The following SH3YL1 variants were observed in gnomAD, a reference collection of about 807,000 sequenced individuals.
SH3YL1 encodes the protein SH3 domain-containing YSC84-like protein 1.
In SH3YL1, 41 loss-of-function variants were observed where a neutral mutation model predicts 45.8. The observed-to-expected ratio is 0.89, with a 90% confidence interval of 0.70 to 1.16. SH3YL1 has a LOEUF of 1.16. Ranked by LOEUF, SH3YL1 falls within the 50% of genes most tolerant of loss-of-function variation. The pLI, the probability that SH3YL1 is intolerant of heterozygous loss-of-function variation, is 0.00. For missense variants in SH3YL1, 389 were observed against 409.6 expected (o/e 0.95, Z 0.43); for synonymous variants, 152 against 151.4 (o/e 1.00, Z -0.03).
intron 3 of SH3YL1, among the ~76,000 whole-genome samples, 168 bp downstream of exon 3, chr2:249,563 G>A (rs764056845): frequency 6.6e-6 from 1 of 152,202 alleles, no homozygotes; most frequent in Non-Finnish European, 1.5e-5. Flanking sequence ...TGGTTCCTGT[G>A]GCTTGTTCAC....
chr2:263,353 T>A (rs1249918298), intron 1 of SH3YL1: 1 of 153,776 alleles, frequency 6.5e-6, no homozygotes, highest in Non-Finnish European at 1.4e-5. Flanking sequence ...GTCAACCGAT[T>A]GAGACCAGTT....
At position 250,004 on chromosome 2, in the gene SH3YL1, G is replaced by A. The variant is rs748680210; in HGVS notation, c.113-160C>T. Among the ~76,000 whole-genome samples the A allele has an allele frequency of 1.6e-4, 24 of 152,346 alleles. 1 individual carries two copies. Among genetic ancestry groups the A allele is most frequent in the Middle Eastern group, 6.8e-3 (2 of 294 alleles). On this transcript the variant is annotated intron_variant, in intron 2 of 9. Transcript: ENST00000356150. ...AGTCAGTCACTCAACAGATGGGCAC[G>A]AGGCCTCTCTATTCCCATGAATGTT...
rs535794203 is a variant in SH3YL1, at chr2:234,859, C to T, written c.292-587G>A. Among the ~76,000 whole-genome samples, 8 of 152,272 alleles carry T rather than the reference C, an allele frequency of 5.3e-5. No individual in the cohort carries two copies. In the East Asian group the frequency reaches 1.5e-3, roughly 29 times the overall value. On this transcript the variant is annotated intron_variant, in intron 4 of 9. Coordinates refer to ENST00000356150, the MANE Select transcript of SH3YL1 (RefSeq NM_015677.4). The stretch of plus-strand genomic sequence containing the variant: ...GCAAAGCAGTTTCCATTAGGAATGC[C>T]TATTTCCATGACTTAATTTTTCTTT...
At chr2:222,042 G>A (rs1318562611) in intron 9 of SH3YL1, among the ~76,000 whole-genome samples, 1 of 152,138 alleles carries the variant, frequency 6.6e-6, no homozygotes, top group Admixed American at 6.5e-5. Flanking sequence ...TGGTTACCGG[G>A]AAGCAAACCC....
chr2:256,896 C>T (rs1052045606), intron 1 of SH3YL1, among the ~76,000 whole-genome samples: 3 of 152,066 alleles, frequency 2.0e-5, no homozygotes, highest in African/African-American at 7.2e-5. Context: ...CTTGCAATGT[C>T]CAGTTTTTAA....
intron 1 of SH3YL1, among the ~76,000 whole-genome samples, chr2:257,689 A>G (rs915818153): frequency 5.3e-5 from 8 of 152,158 alleles, no homozygotes. Context: ...GCATCCCTGG[A>G]GTCTCTCTGA....
At chr2:258,825 G>A (rs1172910250) in intron 1 of SH3YL1, among the ~76,000 whole-genome samples, 2 of 152,198 alleles carry the variant, frequency 1.3e-5, no homozygotes, top group Non-Finnish European at 2.9e-5. Context: ...AAAGCTTCAT[G>A]GCAGTTGTTC....
chr2:229,278 C>G, intron 8 of SH3YL1, among the ~76,000 whole-genome samples: 1 of 151,922 alleles, frequency 6.6e-6, no homozygotes, highest in Middle Eastern at 3.2e-3. Flanking sequence ...GAACATATGT[C>G]AAAACTGATA....
Position 234,255 on chromosome 2 carries a change from T to C in SH3YL1, c.309A>G (p.Ile103Met). 6.2e-7 allele frequency: 1 copy of C among 1,613,368 alleles called. No homozygotes were observed. Among genetic ancestry groups the C allele is most frequent in the Non-Finnish European group, 8.5e-7 (1 of 1,179,694 alleles). Residue 103 changes from isoleucine (I) to methionine (M), a missense_variant, in exon 5 of 10, where the codon ATA becomes ATG. Transcript: ENST00000356150. ...EIGIEVSDLV[I>M]ILNYDRAVEA... Reference sequence around the variant, plus strand: ...CTACAGCACGGTCATAATTCAGAATTATCACCAAGTCTGATACCTAAAGTG... The same window carrying C: ...CTACAGCACGGTCATAATTCAGAATCATCACCAAGTCTGATACCTAAAGTG...
In SH3YL1 at chr2:253,092, A is replaced by T; in HGVS notation, c.25T>A (p.Leu9Met). 1 of 1,544,420 alleles carries T rather than the reference A, an allele frequency of 6.5e-7. No individual in the cohort carries two copies. Among genetic ancestry groups the T allele is most frequent in the Non-Finnish European group, 8.8e-7 (1 of 1,140,612 alleles). ...GCAGCCTTTTTTGCTTCTGATTTCA[A>T]ATTGGAAGGTATAGGGTTATTCACT... MNNPIPSN[L>M]KSEAKKAAKI... Residue 9 changes from leucine (L) to methionine (M), a missense_variant, in exon 2 of 10, where the codon TTG becomes ATG. Leu to Met is a conservative substitution (Grantham distance 15, BLOSUM62 2). Coordinates refer to ENST00000356150, the MANE Select transcript of SH3YL1 (RefSeq NM_015677.4).
upstream of SH3YL1, chr2:264,092 G>A (rs1376279187): frequency 9.0e-6 from 12 of 1,334,472 alleles, no homozygotes; most frequent in African/African-American, 4.6e-5. Flanking sequence ...ACCTGCGGCA[G>A]GTGACGAAGG....
At chr2:264,117 A>C (rs2103066347), upstream of SH3YL1, 1 of 1,253,732 alleles carries the variant, frequency 8.0e-7, no homozygotes, top group Non-Finnish European at 1.0e-6. Context: ...GGCGCAAAAC[A>C]CCCGCCGTGT....
At chr2:238,181 C>G (rs1293118363) in intron 4 of SH3YL1, among the ~76,000 whole-genome samples, 1 of 152,142 alleles carries the variant, frequency 6.6e-6, no homozygotes, top group Non-Finnish European at 1.5e-5. Context: ...TCTCACGCCA[C>G]TCTTGGGCTG....
At position 249,826 on chromosome 2, in the gene SH3YL1, G is replaced by T; in HGVS notation, c.131C>A (p.Ala44Asp). The T allele has an allele frequency of 6.4e-7, 1 of 1,551,980 alleles. No homozygotes were observed. The highest frequency in any genetic ancestry group is 1.2e-5 in the South Asian group (1 of 84,060). The change falls in exon 3 of 10, where the codon GCT becomes GAT. Residue 44 changes from alanine (A) to aspartate (D), a missense_variant. Transcript: ENST00000356150. The part of the protein sequence containing the change: ...KIIPAHVIAK[A>D]KGLAILSVIK... ...CACAGACAGAATTGCAAGGCCTTTA[G>T]CCTTCGCAATTACGTGAGCTGTTAA... is the stretch of plus-strand genomic sequence containing the variant.
chr2:247,628 T>C (rs1037083723), intron 3 of SH3YL1, 26 bp from the exon 4 acceptor site: 4 of 1,540,778 alleles, frequency 2.6e-6, no homozygotes, highest in Non-Finnish European at 3.5e-6. Flanking sequence ...ACGAACGTTA[T>C]CCTAACATTA....
intron 4 of SH3YL1, chr2:242,903 G>A (rs1255294585): frequency 3.7e-6 from 5 of 1,352,284 alleles, no homozygotes; most frequent in Admixed American, 2.9e-5. Flanking sequence ...ATGTAATTAG[G>A]ATTAAACAGG....
At chr2:226,223 A>T (rs1667778267) in intron 8 of SH3YL1, among the ~76,000 whole-genome samples, 1 of 152,168 alleles carries the variant, frequency 6.6e-6, no homozygotes, top group Non-Finnish European at 1.5e-5. Flanking sequence ...AAAATTTAAA[A>T]CTTTCATGGA....
intron 3 of SH3YL1, 115 bp from the exon 4 acceptor site, chr2:247,717 G>T: frequency 2.9e-6 from 2 of 695,220 alleles, no homozygotes; most frequent in Admixed American, 3.3e-5. Flanking sequence ...AATGAGACTT[G>T]GTATTTCCCC....
intron 1 of SH3YL1, chr2:259,839 T>C (rs578220987): frequency 6.3e-4 from 96 of 151,634 alleles, no homozygotes; most frequent in African/African-American, 2.2e-3. Context: ...TACAGAAAGA[T>C]AAACTCCAAA....
Sources: allele counts gnomAD v4.1 joint callset (sites outside exome capture counted in the v4.1 genomes callset), GRCh38; gene constraint gnomAD v4.1.1; transcripts MANE v1.5; gene names NCBI Gene and HGNC (gene_info 2026-07-23, HGNC 2026-07-21).